TENM3: variants seen among roughly 807,000 people sequenced by gnomAD.
TENM3 encodes the protein teneurin-3.
TENM3 carries 63 observed loss-of-function variants against 255.1 expected under a neutral mutation model. The ratio of observed to expected loss-of-function variants is 0.25; its 90% confidence interval spans 0.20 to 0.30. The LOEUF is 0.30. Ranked by LOEUF, TENM3 falls within the 10% of genes least tolerant of loss-of-function variation. The pLI, the probability that TENM3 is intolerant of heterozygous loss-of-function variation, is 1.00. For missense variants in TENM3, 2,929 were observed against 3,461.1 expected, an observed-to-expected ratio of 0.85 and a Z score of 3.86; for synonymous variants, 1,306 against 1,322.3, an observed-to-expected ratio of 0.99 and a Z score of 0.27.
Position 182,516,034 on chromosome 4 carries a change from A to C in TENM3, c.512-84890A>C, listed in dbSNP as rs146880906. Among the ~76,000 whole-genome samples the C allele has an allele frequency of 3.1e-4, 47 of 152,324 alleles. No homozygotes were observed. In the East Asian group the frequency reaches 8.7e-3, roughly 28 times the overall value. On this transcript the variant is annotated intron_variant, in intron 3 of 27. Coordinates refer to ENST00000511685, the MANE Select transcript of TENM3 (RefSeq NM_001080477.4). ...CAGGAGAAGAGCATGTCAATGCAAA[A>C]GTCTTAACATGATGCTATTTTATCA...
At chr4:182,458,222 A>T (rs141152376) in intron 3 of TENM3, among the ~76,000 whole-genome samples, 1 of 152,340 alleles carries the variant, frequency 6.6e-6, no homozygotes, top group African/African-American at 2.4e-5. Context: ...TGATTTGAAA[A>T]TTAATAGATT....
chr4:182,363,255 T>C (rs747293099), intron 3 of TENM3, among the ~76,000 whole-genome samples: 11 of 152,236 alleles, frequency 7.2e-5, no homozygotes, highest in South Asian at 4.1e-4. Flanking sequence ...TTCCTCTCCT[T>C]GATCCTTGAT....
chr4:182,012,050 G>T, the TENM3 span, among the ~76,000 whole-genome samples: 41 of 152,220 alleles, frequency 2.7e-4, no homozygotes, highest in African/African-American at 9.6e-4. Context: ...GAATGACAAG[G>T]TTTCAGATTA....
intron 3 of TENM3, among the ~76,000 whole-genome samples, chr4:182,479,255 G>T (rs1197353261): frequency 6.6e-6 from 1 of 151,892 alleles, no homozygotes; most frequent in Non-Finnish European, 1.5e-5. Flanking sequence ...ATTTTCTAAT[G>T]ATACTATACA....
intron 2 of TENM3, among the ~76,000 whole-genome samples, chr4:182,326,662 G>A (rs759224603): frequency 7.2e-5 from 11 of 152,088 alleles, no homozygotes; most frequent in Non-Finnish European, 1.3e-4. Flanking sequence ...AGCCTCCTGA[G>A]TAGCTGGGAT....
intron 1 of TENM3, among the ~76,000 whole-genome samples, chr4:182,284,226 A>G: frequency 6.6e-6 from 1 of 152,194 alleles, no homozygotes; most frequent in Admixed American, 6.5e-5. Context: ...AAACGAGTGC[A>G]TGAAATCGGA....
intron 3 of TENM3, among the ~76,000 whole-genome samples, chr4:182,596,802 G>A (rs982730389): frequency 2.6e-5 from 4 of 152,148 alleles, no homozygotes; most frequent in African/African-American, 9.7e-5. Context: ...GGAGTAAATC[G>A]ACATGTTCAG....
At chr4:181,678,820 G>T in the TENM3 span, among the ~76,000 whole-genome samples, 2 of 131,040 alleles carry the variant, frequency 1.5e-5, no homozygotes, top group Admixed American at 8.8e-5. Flanking sequence ...TGAATGAAAA[G>T]CTTCCCAAGA....
chr4:182,740,247 T>A (rs372099031), intron 18 of TENM3, among the ~76,000 whole-genome samples: 1 of 152,206 alleles, frequency 6.6e-6, no homozygotes, highest in Non-Finnish European at 1.5e-5. Context: ...ACAGAGCGGA[T>A]AACTAGTGCC....
chr4:181,950,658 G>A, the TENM3 span, among the ~76,000 whole-genome samples: 1 of 152,170 alleles, frequency 6.6e-6, no homozygotes, highest in Admixed American at 6.5e-5. Context: ...CTCATTGTGG[G>A]CACATTGTAT....
chr4:182,062,949 CAG>C, the TENM3 span, among the ~76,000 whole-genome samples: 8 of 152,162 alleles, frequency 5.3e-5, no homozygotes, highest in Non-Finnish European at 1.0e-4. Context: ...AACTCCAGAG[CAG>C]AGAGTTATGT....
the TENM3 span, among the ~76,000 whole-genome samples, chr4:181,905,432 G>A: frequency 6.6e-6 from 1 of 152,032 alleles, no homozygotes; most frequent in East Asian, 1.9e-4. Context: ...GTGCTGCTGA[G>A]GTGATCCCAT....
intron 1 of TENM3, among the ~76,000 whole-genome samples, chr4:182,307,176 G>A (rs896170255): frequency 2.6e-5 from 4 of 152,160 alleles, no homozygotes; most frequent in Admixed American, 1.3e-4. Context: ...GAAGGGGGAG[G>A]AAAGTGGGGC....
At chr4:181,942,834 A>G in the TENM3 span, among the ~76,000 whole-genome samples, 4 of 152,204 alleles carry the variant, frequency 2.6e-5, no homozygotes, top group Non-Finnish European at 4.4e-5. Flanking sequence ...AATAAAATAC[A>G]TATTGTAAAG....
the TENM3 span, among the ~76,000 whole-genome samples, chr4:181,740,924 G>A: frequency 3.9e-5 from 6 of 152,168 alleles, no homozygotes; most frequent in Admixed American, 1.3e-4. Flanking sequence ...AAAGAAAACC[G>A]TAAGATGGCT....
At chr4:182,156,316 T>C (rs1220593730) in intron 1 of TENM3, among the ~76,000 whole-genome samples, 2 of 152,236 alleles carry the variant, frequency 1.3e-5, no homozygotes, top group Non-Finnish European at 2.9e-5. Context: ...AAGTGATTGC[T>C]ACACTTCTGT....
At chr4:181,573,467 T>C in the TENM3 span, among the ~76,000 whole-genome samples, 1 of 152,152 alleles carries the variant, frequency 6.6e-6, no homozygotes, top group Non-Finnish European at 1.5e-5. Flanking sequence ...TAAAGCCACA[T>C]GACTAATGAT....
intron 11 of TENM3, among the ~76,000 whole-genome samples, chr4:182,683,623 G>T (rs1392568322): frequency 6.6e-6 from 1 of 152,164 alleles, no homozygotes; most frequent in African/African-American, 2.4e-5. Context: ...AAAAAAATTG[G>T]ATTGGGCCCA....
intron 3 of TENM3, among the ~76,000 whole-genome samples, chr4:182,571,883 G>T (rs1041655054): frequency 6.6e-6 from 1 of 152,072 alleles, no homozygotes; most frequent in Non-Finnish European, 1.5e-5. Flanking sequence ...CAGCAATTAG[G>T]AATGATAAAA....
Sources: gnomAD v4.1 joint callset for allele counts (sites outside exome capture counted in the v4.1 genomes callset) on GRCh38, gnomAD v4.1.1 for gene constraint, MANE v1.5 for transcripts, NCBI Gene and HGNC (gene_info 2026-07-23, HGNC 2026-07-21) for gene names.